The following TASOR2 variants were observed in gnomAD, a reference collection of about 807,000 sequenced individuals.
The protein encoded by TASOR2 is transcription activation suppressor family member 2.
TASOR2 carries 84 observed loss-of-function variants against 199.5 expected under a neutral mutation model. That is an observed-to-expected ratio of 0.42 (90% CI 0.35 to 0.50). TASOR2 has a LOEUF of 0.50. TASOR2 is among the 20% of genes least tolerant of loss of function. TASOR2 has a pLI of 0.02. For synonymous variants in TASOR2, 1,103 were observed against 1,046.6 expected (o/e 1.05, Z -1.04); for missense variants, 2,796 against 2,835.9 (o/e 0.99, Z 0.32).
exon 1 of TASOR2, chr10:5,684,883 C>T (rs1304896464): frequency 1.1e-5 from 4 of 363,584 alleles, no homozygotes; most frequent in African/African-American, 8.4e-5. Context: ...GGCATGTTCT[C>T]GCAGGCTGCC....
chr10:5,713,515 G>C (rs1170779710), intron 2 of TASOR2, among the ~76,000 whole-genome samples: 1 of 152,022 alleles, frequency 6.6e-6, no homozygotes, highest in Non-Finnish European at 1.5e-5. Context: ...GCTTCGATTA[G>C]GTTAATGGTT....
intron 1 of TASOR2, among the ~76,000 whole-genome samples, chr10:5,708,376 A>C (rs1010071178): frequency 2.0e-5 from 3 of 152,074 alleles, no homozygotes; most frequent in African/African-American, 7.2e-5. Flanking sequence ...CCTCCATGAA[A>C]TCTTTCTTGA....
At chr10:5,697,257 A>G (rs1339437032) in intron 1 of TASOR2, among the ~76,000 whole-genome samples, 1 of 150,646 alleles carries the variant, frequency 6.6e-6, no homozygotes, top group East Asian at 2.0e-4. Context: ...GCTAGCTCTT[A>G]AACTGCATTT....
chr10:5,762,711 T>A, intron 20 of TASOR2, 65 bp downstream of exon 21: 1 of 809,878 alleles, frequency 1.2e-6, no homozygotes, highest in Non-Finnish European at 2.1e-6. Context: ...ATATTGACAT[T>A]TGTGTCTAAG....
At chr10:5,686,353 C>T (rs1835816818) in intron 1 of TASOR2, among the ~76,000 whole-genome samples, 1 of 152,132 alleles carries the variant, frequency 6.6e-6, no homozygotes, top group Non-Finnish European at 1.5e-5. Context: ...TTGACTGAGA[C>T]ATGGTGTTTG....
exon 11 of TASOR2, chr10:5,731,175 A>G (rs1834763603): frequency 6.2e-7 from 1 of 1,605,724 alleles, no homozygotes; most frequent in Non-Finnish European, 8.5e-7. Flanking sequence ...AGTTAGTTAA[A>G]GGACAGTTTC....
chr10:5,755,046 C>CAAAAAAAAAAAAAA (rs34884255), intron 15 of TASOR2, among the ~76,000 whole-genome samples: 1 of 78,124 alleles, frequency 1.3e-5, no homozygotes. Context: ...ACTCTTGTCT[C>CAAAAAAAAAAAAAA]AAAAAAAAAA....
chr10:5,699,884 A>G lies in TASOR2; in HGVS notation c.-287-12939A>G, dbSNP rs903926094. On this transcript the variant is annotated intron_variant, in intron 1 of 20. Coordinates refer to ENST00000328090, the Ensembl canonical transcript of TASOR2. This position sits in a 1 kb window ranked among gnomAD's most constrained non-coding sequence, Gnocchi z 4.1. ...TTAGGATACATGTGATAATACAGTC[A>G]TATAATTTGTAGAGATCAAGTCAGT... The G allele has an allele frequency of 2.6e-5, 9 of 352,844 alleles. No homozygotes were observed. Among genetic ancestry groups the G allele is most frequent in the Non-Finnish European group, 3.2e-5 (8 of 251,688 alleles). 21.9% of individuals were successfully genotyped at this position (352,844 alleles called of 1,614,324 possible).
rs1836228774 is a variant in TASOR2, at chr10:5,689,855, G to A, written c.-288+4680G>A. On this transcript the variant is annotated intron_variant, in intron 1 of 20. Transcript: ENST00000328090. This position sits in a 1 kb window ranked among gnomAD's most constrained non-coding sequence, Gnocchi z 4.1. Reference sequence around the variant, plus strand: ...TACATTGCCAAACTTGTGGATTTTTGATAATTTTTGATAAGTTAAAAGTAA... The same window carrying A: ...TACATTGCCAAACTTGTGGATTTTTAATAATTTTTGATAAGTTAAAAGTAA... 6.6e-6 allele frequency among the ~76,000 whole-genome samples: 1 copy of A among 152,058 alleles called. No homozygotes were observed. Among genetic ancestry groups the A allele is most frequent in the Non-Finnish European group, 1.5e-5 (1 of 68,006 alleles).
Position 5,727,129 on chromosome 10 carries a change from G to A in TASOR2, c.487+6G>A, listed in dbSNP as rs2131585734. 1 of 1,613,952 alleles carries A rather than the reference G, an allele frequency of 6.2e-7. No homozygotes were observed. Among genetic ancestry groups the A allele is most frequent in the East Asian group, 2.2e-5 (1 of 44,866 alleles). On this transcript the variant is annotated splice_donor_region_variant and intron_variant, in intron 10 of 20. Coordinates refer to ENST00000328090, the Ensembl canonical transcript of TASOR2. ...TCGTTCACCCCTGTCAACAGGTGAG[G>A]ATACAATGGTTTCCAGCTCACTCTG...
In TASOR2 at chr10:5,720,656, C is replaced by G; in HGVS notation, c.14C>G (p.Ala5Gly). 1 of 1,614,054 alleles carries G rather than the reference C, an allele frequency of 6.2e-7. No individual in the cohort carries two copies. Among genetic ancestry groups the G allele is most frequent in the Non-Finnish European group, 8.5e-7 (1 of 1,180,010 alleles). Residue 5 changes from alanine (A) to glycine (G), a missense_variant, in exon 4 of 21, where the codon GCT becomes GGT. Coordinates refer to ENST00000328090, the Ensembl canonical transcript of TASOR2. The surrounding 1 kb of genome is among the most constrained non-coding windows in gnomAD (Gnocchi z 5.3). ...GAATCTAAAACTATGGCACCACCAG[C>G]TCATAAAAGCATGTAAGTAATTATG...
intron 10 of TASOR2, among the ~76,000 whole-genome samples, chr10:5,728,315 A>G (rs1834324598): frequency 6.6e-6 from 1 of 152,120 alleles, no homozygotes; most frequent in Admixed American, 6.5e-5. Flanking sequence ...TATAACCAAT[A>G]TAAACATGTT....
intron 17 of TASOR2, 60 bp from the exon 19 acceptor site, chr10:5,758,827 G>C: frequency 7.9e-7 from 1 of 1,258,256 alleles, no homozygotes; most frequent in Non-Finnish European, 1.2e-6. Flanking sequence ...ACTGGGCTTG[G>C]CATGAGCCAA....
rs577681161 is a variant in TASOR2 at position 5,685,890 on chromosome 10, A to G, written c.-288+715A>G. Among the ~76,000 whole-genome samples the G allele has an allele frequency of 5.9e-5, 9 of 152,350 alleles. No individual in the cohort carries two copies. Among genetic ancestry groups the G allele is most frequent in the African/African-American group, 2.2e-4 (9 of 41,578 alleles). On this transcript the variant is annotated intron_variant, in intron 1 of 20. Transcript: ENST00000328090. The surrounding 1 kb of genome is among the most constrained non-coding windows in gnomAD (Gnocchi z 5.4). ...CCCTGTAAGGTACAATTAGAATAGA[A>G]AAGTTTATGAAAGTGTATCCAAAAC...
Position 5,685,716 on chromosome 10 carries a change from G to A in TASOR2, c.-288+541G>A, listed in dbSNP as rs1425297587. ...GCAACACAGAAGTTTGTCTGAAGGC[G>A]GCGCCAAGCAGCGTTTCGTGGGAGA... is the stretch of plus-strand genomic sequence containing the variant. On this transcript the variant is annotated intron_variant, in intron 1 of 20. Transcript: ENST00000328090. The surrounding 1 kb of genome is among the most constrained non-coding windows in gnomAD (Gnocchi z 5.4). 6.6e-6 allele frequency among the ~76,000 whole-genome samples: 1 copy of A among 152,196 alleles called. No individual in the cohort carries two copies. The highest frequency in any genetic ancestry group is 1.5e-5 in the Non-Finnish European group (1 of 68,036).
At chr10:5,757,741 C>G in intron 17 of TASOR2, 68 bp downstream of exon 18, 1 of 1,506,564 alleles carries the variant, frequency 6.6e-7, no homozygotes, top group Non-Finnish European at 9.1e-7. Flanking sequence ...GACCTAAATA[C>G]TGTTTCATCC....
In TASOR2 at chr10:5,712,937, A is replaced by G. The variant is rs764682948; in HGVS notation, c.-192+19A>G. ...AAAGCAGGTAAGGGAATTAGGTTGT[A>G]GAAAATTAATGGTATCATTAGTCTT... On this transcript the variant is annotated intron_variant, in intron 2 of 20. Coordinates refer to ENST00000328090, the Ensembl canonical transcript of TASOR2. 1.3e-5 allele frequency: 15 copies of G among 1,142,742 alleles called. No individual in the cohort carries two copies. Among genetic ancestry groups the G allele is most frequent in the Non-Finnish European group, 1.7e-5 (15 of 906,712 alleles). 70.8% of individuals were successfully genotyped at this position (1,142,742 alleles called of 1,614,324 possible).
chr10:5,721,478 A>G (rs75398659), intron 6 of TASOR2, among the ~76,000 whole-genome samples: 3,737 of 152,300 alleles, frequency 0.025, 58 homozygotes, highest in South Asian at 0.037. Flanking sequence ...AAAACCATTA[A>G]GAAATAGTCA....
chr10:5,704,444 C>G (rs1838319023), intron 1 of TASOR2, among the ~76,000 whole-genome samples: 1 of 151,740 alleles, frequency 6.6e-6, no homozygotes, highest in Non-Finnish European at 1.5e-5. Flanking sequence ...TTTCTATTAC[C>G]CTTATAATTT....
Sources: gnomAD v4.1 joint callset for allele counts (sites outside exome capture counted in the v4.1 genomes callset) on GRCh38, gnomAD v4.1.1 for gene constraint, Gnocchi (gnomAD v3.1) non-coding constraint, MANE v1.5 for transcripts, NCBI Gene and HGNC (gene_info 2026-07-23, HGNC 2026-07-21) for gene names.